SPAG16: variants seen among roughly 807,000 people sequenced by gnomAD.
SPAG16 encodes sperm-associated antigen 16 protein.
In SPAG16, 86 loss-of-function variants were observed where a neutral mutation model predicts 80.4. The ratio of observed to expected loss-of-function variants is 1.07; its 90% CI spans 0.90 to 1.28. The LOEUF (loss-of-function observed/expected upper bound fraction) is 1.28. Ranked by LOEUF, SPAG16 falls within the 50% of genes most tolerant of loss-of-function variation. SPAG16 has a pLI of 0.00. For missense variants in SPAG16, 870 were observed against 765.3 expected, an observed-to-expected ratio of 1.14 and a Z score of -1.61; for synonymous variants, 294 against 265.9, an observed-to-expected ratio of 1.11 and a Z score of -1.03.
intron 9 of SPAG16, among the ~76,000 whole-genome samples, chr2:213,442,487 G>A (rs142852614): frequency 1.3e-4 from 20 of 152,272 alleles, no homozygotes; most frequent in Admixed American, 7.8e-4. Flanking sequence ...GAACAAAGTT[G>A]CAAGACTGTG....
intron 14 of SPAG16, among the ~76,000 whole-genome samples, chr2:214,116,173 A>G (rs961308838): frequency 6.6e-6 from 1 of 152,216 alleles, no homozygotes; most frequent in African/African-American, 2.4e-5. Flanking sequence ...CAGGCATCCA[A>G]GAGGAACCAC....
At chr2:214,161,867 A>T (rs937052808) in intron 15 of SPAG16, among the ~76,000 whole-genome samples, 4 of 152,140 alleles carry the variant, frequency 2.6e-5, no homozygotes, top group South Asian at 4.1e-4. Flanking sequence ...AATTTAAAAA[A>T]TTTTTAAAAA....
rs901503864 is a variant in SPAG16 at position 214,240,899 on chromosome 2, A to C, written c.1720+91633A>C. 2.0e-5 allele frequency: 3 copies of C among 152,302 alleles called. No homozygotes were observed. In the South Asian group the frequency reaches 6.2e-4, roughly 32 times the overall value. The allele number at this position is 152,302 out of a possible 1,614,324, so 9.4% of individuals were successfully genotyped here. A position where few individuals can be genotyped will look rare whatever the true frequency, so the allele number is the denominator to read the frequency against. On this transcript the variant is annotated intron_variant, in intron 15 of 15. Coordinates refer to ENST00000331683, the MANE Select transcript of SPAG16 (RefSeq NM_024532.5). ...ATACATATCTTGATGGACTACTTTT[A>C]TTTGGCAACCTTTACCTTCCAATAT... is the stretch of plus-strand genomic sequence containing the variant.
At chr2:213,644,807 A>G (rs1389426967) in intron 10 of SPAG16, among the ~76,000 whole-genome samples, 1 of 152,224 alleles carries the variant, frequency 6.6e-6, no homozygotes, top group Non-Finnish European at 1.5e-5. Context: ...TCAGACCTAA[A>G]GACAGCACAG....
intron 9 of SPAG16, among the ~76,000 whole-genome samples, chr2:213,468,538 TATATATATGTATTTATATATAGAG>T (rs1159805012): frequency 3.2e-5 from 4 of 126,730 alleles, no homozygotes; most frequent in African/African-American, 1.6e-4. Context: ...TATATAGATA[TATATATATGTATTTATATATAGAG>T]ATATATATAT....
At chr2:213,949,179 T>TTTTTTTTTTTTTTGTTTTTTTTTTG (rs2079613121) in intron 12 of SPAG16, among the ~76,000 whole-genome samples, 4 of 36,262 alleles carry the variant, frequency 1.1e-4, no homozygotes, top group East Asian at 2.1e-3. Flanking sequence ...GTTTTTTTTT[T>TTTTTTTTTTTTTTGTTTTTTTTTTG]TTTTTTTTTT....
chr2:213,756,734 A>G (rs1454314369), intron 10 of SPAG16, among the ~76,000 whole-genome samples: 1 of 151,144 alleles, frequency 6.6e-6, no homozygotes. Context: ...ATGTGTGGGT[A>G]TGCATGTGTA....
intron 15 of SPAG16, among the ~76,000 whole-genome samples, chr2:214,306,360 C>G (rs1428747292): frequency 6.6e-6 from 1 of 152,130 alleles, no homozygotes; most frequent in African/African-American, 2.4e-5. Context: ...TATTTGCATG[C>G]CTTTATTTCT....
intron 15 of SPAG16, among the ~76,000 whole-genome samples, chr2:214,205,398 GTTTT>G (rs2058115825): frequency 6.6e-6 from 1 of 152,120 alleles, no homozygotes; most frequent in Admixed American, 6.5e-5. Context: ...ATGCCTTGTT[GTTTT>G]TATTACTGTA....
intron 12 of SPAG16, among the ~76,000 whole-genome samples, chr2:213,983,535 G>C (rs1014434049): frequency 1.3e-5 from 2 of 151,828 alleles, no homozygotes; most frequent in Non-Finnish European, 2.9e-5. Context: ...GTATAATTCA[G>C]ACTAAAATTT....
chr2:213,934,413 G>T (rs1387503976), intron 12 of SPAG16, among the ~76,000 whole-genome samples: 2 of 152,210 alleles, frequency 1.3e-5, no homozygotes, highest in Non-Finnish European at 2.9e-5. Context: ...CAGATTGTGT[G>T]TCAGCCACAG....
intron 15 of SPAG16, among the ~76,000 whole-genome samples, chr2:214,224,229 T>G (rs1411577771): frequency 6.6e-6 from 1 of 152,190 alleles, no homozygotes; most frequent in African/African-American, 2.4e-5. Flanking sequence ...GACACCAGCT[T>G]GCCTTCCTAC....
chr2:213,810,679 C>CA (rs934268152), intron 10 of SPAG16, among the ~76,000 whole-genome samples: 16 of 152,228 alleles, frequency 1.1e-4, no homozygotes, highest in African/African-American at 3.4e-4. Flanking sequence ...CAAAGTGTAT[C>CA]AAAAGAATGA....
intron 12 of SPAG16, among the ~76,000 whole-genome samples, chr2:213,987,037 T>C (rs1396300444): frequency 6.6e-6 from 1 of 152,038 alleles, no homozygotes; most frequent in East Asian, 1.9e-4. Context: ...AGCAAATTTA[T>C]ACTTTATGGG....
At chr2:213,919,636 T>C (rs564077150) in intron 11 of SPAG16, among the ~76,000 whole-genome samples, 2 of 152,232 alleles carry the variant, frequency 1.3e-5, no homozygotes, top group African/African-American at 2.4e-5. Context: ...TGTAATTTTA[T>C]TGTGCTGTGA....
intron 15 of SPAG16, chr2:214,280,688 C>T: frequency 3.0e-6 from 1 of 336,190 alleles, no homozygotes. Flanking sequence ...TTCTTTTGAG[C>T]TACCTGATCT....
At chr2:213,599,725 G>A (rs1282136120) in intron 10 of SPAG16, among the ~76,000 whole-genome samples, 1 of 152,002 alleles carries the variant, frequency 6.6e-6, no homozygotes, top group Non-Finnish European at 1.5e-5. Flanking sequence ...TTTTTGAGAT[G>A]GAGTCTTGCT....
intron 10 of SPAG16, among the ~76,000 whole-genome samples, chr2:213,685,853 G>A (rs2064639627): frequency 6.6e-6 from 1 of 152,072 alleles, no homozygotes; most frequent in Admixed American, 6.6e-5. Context: ...AAAAACTCAG[G>A]CTTACTCAAG....
At chr2:213,475,882 C>T (rs1476905338) in intron 9 of SPAG16, among the ~76,000 whole-genome samples, 1 of 152,176 alleles carries the variant, frequency 6.6e-6, no homozygotes, top group African/African-American at 2.4e-5. Context: ...ATCAGTCCTT[C>T]ACATAGAAAA....
Sources: gnomAD v4.1 joint callset for allele counts (sites outside exome capture counted in the v4.1 genomes callset) on GRCh38, gnomAD v4.1.1 for gene constraint, MANE v1.5 for transcripts, NCBI Gene and HGNC (gene_info 2026-07-23, HGNC 2026-07-21) for gene names.